TLN1: variants seen among roughly 807,000 people sequenced by gnomAD.
The protein encoded by TLN1 is talin-1.
A neutral mutation model predicts 292.3 loss-of-function variants in TLN1; 56 were observed. The ratio of observed to expected loss-of-function variants is 0.19; its 90% CI spans 0.15 to 0.24. TLN1 has a LOEUF of 0.24. Ranked by LOEUF, TLN1 falls within the 10% of genes least tolerant of loss-of-function variation. TLN1 has a pLI of 1.00. For missense variants in TLN1, 2,433 were observed against 3,248.2 expected, an observed-to-expected ratio of 0.75 and a Z score of 6.10; for synonymous variants, 1,119 against 1,253.7, an observed-to-expected ratio of 0.89 and a Z score of 2.27.
chr9:35,697,742 G>C lies in TLN1; in HGVS notation c.*49C>G, dbSNP rs746433785. On this transcript the variant is annotated 3_prime_UTR_variant, in exon 57 of 57. Transcript: ENST00000314888. ...CGACAGCCCAGAAGGCTTTGGTAGT[G>C]GCACGCACAGTCTCTGGGCCGGGTC... The C allele has an allele frequency of 6.9e-6, 11 of 1,604,916 alleles. No individual in the cohort carries two copies. The Admixed American group carries it at 1.8e-4, about 27-fold the overall frequency.
Position 35,720,129 on chromosome 9 carries a change from A to G in TLN1, c.1374T>C (p.Ser458=), listed in dbSNP as rs116680526. ...TGCCCACCTGGAAATTCTCAGGACC[A>G]GAGGCTCCAGAGCGCATGATGGCAG... ...ALPAIMRSGA[S]GPENFQVGSM... is the part of the protein sequence containing the mutation. The change falls in exon 13 of 57, where the codon TCT becomes TCC. Residue 458 remains serine (S), a synonymous_variant. Coordinates refer to ENST00000314888, the MANE Select transcript of TLN1 (RefSeq NM_006289.4). The G allele has an allele frequency of 1.2e-4, 193 of 1,612,758 alleles. No individual in the cohort carries two copies. In the African/African-American group the frequency reaches 2.3e-3, roughly 19 times the overall value.
At chr9:35,720,629 CTTTT>C (rs372029210) in intron 11 of TLN1, 120 bp from the exon 12 acceptor site, 612 of 828,288 alleles carry the variant, frequency 7.4e-4, no homozygotes, top group Non-Finnish European at 8.6e-4. Context: ...ATTTCTTTTT[CTTTT>C]TTTTTTTTTT....
chr9:35,719,977 G>A lies in TLN1; in HGVS notation c.1464+62C>T, dbSNP rs906566509. Reference sequence around the variant, plus strand: ...CCTGGGAAAAGACTGCCTAACTCCTGGCTCGGCCCAGCTGAGGGTGAGAGA... The same window carrying A: ...CCTGGGAAAAGACTGCCTAACTCCTAGCTCGGCCCAGCTGAGGGTGAGAGA... On this transcript the variant is annotated intron_variant, in intron 13 of 56. Transcript: ENST00000314888. This position sits in a 1 kb window ranked among gnomAD's most constrained non-coding sequence, Gnocchi z 4.6. The A allele has an allele frequency of 6.3e-7, 1 of 1,587,398 alleles. No individual in the cohort carries two copies. Among genetic ancestry groups the A allele is most frequent in the African/African-American group, 1.3e-5 (1 of 74,278 alleles).
chr9:35,732,094 GC>G lies in TLN1; in HGVS notation c.-54del, dbSNP rs2131919067. On this transcript the variant is annotated 5_prime_UTR_variant, in exon 1 of 57. Transcript: ENST00000314888. This position sits in a 1 kb window ranked among gnomAD's most constrained non-coding sequence, Gnocchi z 5.1. ...GCCTACCTGCGCTGCCTGGCTCTGCGCCCCGCCCGCCGGCCCGCCGCCCCGC... is the reference window on the plus strand; with the variant it reads ...GCCTACCTGCGCTGCCTGGCTCTGCGCCCGCCCGCCGGCCCGCCGCCCCGC... 1 of 151,790 alleles carries G rather than the reference GC, an allele frequency of 6.6e-6. No homozygotes were observed. Among genetic ancestry groups the G allele is most frequent in the Admixed American group, 6.6e-5 (1 of 15,072 alleles). The allele number at this position is 151,790 out of a possible 1,614,324, so 9.4% of individuals were successfully genotyped here.
In TLN1 at chr9:35,705,867, A is replaced by C; in HGVS notation, c.5512-16T>G. 6.2e-7 allele frequency: 1 copy of C among 1,614,094 alleles called. No individual in the cohort carries two copies. The highest frequency in any genetic ancestry group is 8.5e-7 in the Non-Finnish European group (1 of 1,179,974). On this transcript the variant is annotated splice_polypyrimidine_tract_variant and intron_variant, in intron 41 of 56. Coordinates refer to ENST00000314888, the MANE Select transcript of TLN1 (RefSeq NM_006289.4). ...CTTCATCTAGCTGAGGGGGGAGGAT[A>C]GGGAAAGGGAAAGACTGTTAGGGTC... is the stretch of plus-strand genomic sequence containing the variant.
Position 35,698,373 on chromosome 9 carries a change from C to A in TLN1, c.7321G>T (p.Ala2441Ser). The A allele has an allele frequency of 6.2e-7, 1 of 1,614,200 alleles. No individual in the cohort carries two copies. The highest frequency in any genetic ancestry group is 1.3e-5 in the African/African-American group (1 of 75,054). The part of the protein sequence containing the change: ...VAASTAQLLV[A>S]CKVKADQDSE... ...TCCTGGTCAGCCTTGACCTTGCAGG[C>A]CACAAGGAGCTGGGCTGTGGAGGCA... The change falls in exon 55 of 57, where the codon GCC becomes TCC. Residue 2441 changes from alanine (A) to serine (S), a missense_variant. Ala to Ser is a moderately conservative substitution (Grantham distance 99, BLOSUM62 1). Around this residue, in one of 7 missense-constraint regions of TLN1, gnomAD observed 141 missense variants for 248.5 expected, o/e 0.57. Transcript: ENST00000314888. This position sits in a 1 kb window ranked among gnomAD's most constrained non-coding sequence, Gnocchi z 5.3.
rs1260630212 is a variant in TLN1 at position 35,707,062 on chromosome 9, C to G, written c.4955+10G>C. 2.5e-6 allele frequency: 4 copies of G among 1,610,888 alleles called. No homozygotes were observed. Among genetic ancestry groups the G allele is most frequent in the Non-Finnish European group, 1.7e-6 (2 of 1,179,174 alleles). On this transcript the variant is annotated intron_variant, in intron 37 of 56. Transcript: ENST00000314888. The surrounding 1 kb of genome is among the most constrained non-coding windows in gnomAD (Gnocchi z 5.6). ...CCCCCCAGCCACACTGGTTCCCCAT[C>G]CCTCAATACCTCATGCTTGTAATTA...
In TLN1 at chr9:35,712,788, A is replaced by G. The variant is rs1340014357; in HGVS notation, c.3561+47T>C. The G allele has an allele frequency of 2.0e-6, 3 of 1,517,654 alleles. No individual in the cohort carries two copies. In the South Asian group the frequency reaches 3.7e-5, roughly 19 times the overall value. The allele number at this position is 1,517,654 out of a possible 1,614,324, so 94.0% of individuals were successfully genotyped here. A position where few individuals can be genotyped will look rare whatever the true frequency, so the allele number is the denominator to read the frequency against. On this transcript the variant is annotated intron_variant, in intron 27 of 56. Transcript: ENST00000314888. ...TTTGGCCTCAATCAGGGTGGGCCTT[A>G]TGAAGGAACCTGGGGGAGAGGGAGT... is the stretch of plus-strand genomic sequence containing the variant.
intron 1 of TLN1, among the ~76,000 whole-genome samples, chr9:35,728,144 G>A (rs185559327): frequency 6.6e-6 from 1 of 152,188 alleles, no homozygotes; most frequent in African/African-American, 2.4e-5. Flanking sequence ...CAATTGGAGG[G>A]GGGGAATGGA....
At chr9:35,711,945 G>A (rs978664572) in intron 28 of TLN1, 60 bp downstream of exon 28, 1 of 1,601,542 alleles carries the variant, frequency 6.2e-7, no homozygotes, top group Non-Finnish European at 8.5e-7. Context: ...CGAGAGGGAG[G>A]AAGGAGAGGC....
At chr9:35,725,053 A>G (rs564453338) in intron 3 of TLN1, 94 bp from the exon 4 acceptor site, 1 of 1,589,222 alleles carries the variant, frequency 6.3e-7, no homozygotes, top group African/African-American at 1.3e-5. Flanking sequence ...GGAGCACTGA[A>G]AGGAAGACTA....
Position 35,703,676 on chromosome 9 carries a change from C to T in TLN1, c.6358G>A (p.Val2120Met). ...AATGATGTCACATTGGTCACCATCA[C>T]CTGGAGGTATCAGAGGAGTGAAGAG... is the stretch of plus-strand genomic sequence containing the variant. ...AVWQLKNSAK[V>M]MVTNVTSLLK... Residue 2120 changes from valine to methionine, a missense_variant and splice_region_variant, in exon 48 of 57, where the codon GTG (valine) becomes ATG (methionine). Around this residue, in one of 7 missense-constraint regions of TLN1, gnomAD observed 1,384 missense variants for 1,699.6 expected, o/e 0.81. Coordinates refer to ENST00000314888, the MANE Select transcript of TLN1 (RefSeq NM_006289.4). 6.2e-7 allele frequency: 1 copy of T among 1,614,194 alleles called. No individual in the cohort carries two copies. Among genetic ancestry groups the T allele is most frequent in the African/African-American group, 1.3e-5 (1 of 75,042 alleles).
intron 7 of TLN1, 75 bp from the exon 8 acceptor site, chr9:35,722,996 G>C (rs1421310174): frequency 2.3e-6 from 3 of 1,319,598 alleles, no homozygotes; most frequent in Non-Finnish European, 3.3e-6. Flanking sequence ...TGTGGGCCTG[G>C]GGGTATGAGG....
Position 35,712,111 on chromosome 9 carries a change from A to C in TLN1, c.3575T>G (p.Val1192Gly). The change falls in exon 28 of 57, where the codon GTG (valine) becomes GGG (glycine). Residue 1192 changes from valine (V) to glycine (G), a missense_variant. Val to Gly is a moderately radical substitution (Grantham distance 109). This residue lies in a region of TLN1 where 1,384 missense variants were observed against 1,699.6 expected (regional missense o/e 0.81). Coordinates refer to ENST00000314888, the MANE Select transcript of TLN1 (RefSeq NM_006289.4). ...QQRLAQVAKAVTQALNRCVSC... is the reference protein window; with the variant it reads ...QQRLAQVAKAGTQALNRCVSC... ...GACACAGCGGTTCAGAGCCTGGGTC[A>C]CTGCTTTAGCCACCTGGGGTGAGAA... 1 of 1,613,690 alleles carries C rather than the reference A, an allele frequency of 6.2e-7. No homozygotes were observed. The highest frequency in any genetic ancestry group is 1.1e-5 in the South Asian group (1 of 90,974).
rs1305986733 is a variant in TLN1 at position 35,697,616 on chromosome 9, G to T, written c.*175C>A. ...GCCCTAGGGCATGAAGGCACTTGGGGTTGGGGAGGGGACAGGGGATGTACT... is the reference window on the plus strand; with the variant it reads ...GCCCTAGGGCATGAAGGCACTTGGGTTTGGGGAGGGGACAGGGGATGTACT... On this transcript the variant is annotated 3_prime_UTR_variant, in exon 57 of 57. Coordinates refer to ENST00000314888, the MANE Select transcript of TLN1 (RefSeq NM_006289.4). 7.8e-6 allele frequency: 7 copies of T among 900,818 alleles called. No homozygotes were observed. Among genetic ancestry groups the T allele is most frequent in the African/African-American group, 6.9e-5 (4 of 58,186 alleles). The allele number at this position is 900,818 out of a possible 1,614,324, so 55.8% of individuals were successfully genotyped here. A position where few individuals can be genotyped will look rare whatever the true frequency, so the allele number is the denominator to read the frequency against.
rs1377631090 is a variant in TLN1, at chr9:35,704,099, C to T, written c.6123G>A (p.Gln2041=). 1.2e-6 allele frequency: 2 copies of T among 1,613,586 alleles called. No individual in the cohort carries two copies. The highest frequency in any genetic ancestry group is 1.3e-5 in the African/African-American group (1 of 74,936). Residue 2041 remains glutamine, a synonymous_variant, in exon 46 of 57, where the codon CAG becomes CAA. Transcript: ENST00000314888. This position sits in a 1 kb window ranked among gnomAD's most constrained non-coding sequence, Gnocchi z 6.9. ...KVLVQNAAGS[Q]EKLAQAAQSS... is the part of the protein sequence containing the mutation. ...ACTGGGCAGCCTGCGCCAACTTCTC[C>T]TGGCTCCCAGCTGCGTTTTGCACCA...
chr9:35,709,614 C>G (rs376579743), intron 33 of TLN1, among the ~76,000 whole-genome samples: 1 of 152,106 alleles, frequency 6.6e-6, no homozygotes, highest in Non-Finnish European at 1.5e-5. Context: ...ATTGGCCGGG[C>G]GCGGTGGCTC....
chr9:35,724,795 T>G lies in TLN1; in HGVS notation c.358+35A>C. The G allele has an allele frequency of 1.2e-6, 2 of 1,613,782 alleles. No homozygotes were observed. The highest frequency in any genetic ancestry group is 1.7e-6 in the Non-Finnish European group (2 of 1,179,714). On this transcript the variant is annotated intron_variant, in intron 4 of 56. Transcript: ENST00000314888. The surrounding 1 kb of genome is among the most constrained non-coding windows in gnomAD (Gnocchi z 4.7). ...GCCTTTTGAGAGAGTTGAGGCTTTC[T>G]GGCCCAGGCTTTCAACTGTACTAGG...
In TLN1 at chr9:35,706,755, C is replaced by T. The variant is rs957449195; in HGVS notation, c.5088+13G>A. The T allele has an allele frequency of 6.2e-6, 10 of 1,612,426 alleles. No individual in the cohort carries two copies. Among genetic ancestry groups the T allele is most frequent in the African/African-American group, 1.3e-5 (1 of 74,890 alleles). Reference sequence around the variant, plus strand: ...CCTAGACACATCTTTCCATATAACCCTCTCCCTCTCACCTCTTGAGAGATT... The same window carrying T: ...CCTAGACACATCTTTCCATATAACCTTCTCCCTCTCACCTCTTGAGAGATT... On this transcript the variant is annotated intron_variant, in intron 38 of 56. Coordinates refer to ENST00000314888, the MANE Select transcript of TLN1 (RefSeq NM_006289.4). The surrounding 1 kb of genome is among the most constrained non-coding windows in gnomAD (Gnocchi z 4.2).
Sources: allele counts gnomAD v4.1 joint callset (sites outside exome capture counted in the v4.1 genomes callset), GRCh38; gene constraint gnomAD v4.1.1; regional missense constraint gnomAD v4.1.1; non-coding constraint Gnocchi (gnomAD v3.1); transcripts MANE v1.5; gene names NCBI Gene and HGNC (gene_info 2026-07-23, HGNC 2026-07-21).